DOCK3: variants seen among roughly 807,000 people sequenced by gnomAD.
The protein encoded by DOCK3 is dedicator of cytokinesis 3.
DOCK3 carries 60 observed loss-of-function variants against 265.6 expected under a neutral mutation model. The observed-to-expected ratio is 0.23, with a 90% CI of 0.18 to 0.28. The LOEUF (loss-of-function observed/expected upper bound fraction) is 0.28. DOCK3 is among the 10% of genes least tolerant of loss of function. The probability of loss-of-function intolerance (pLI) is 1.00; values close to 1 mark genes in which losing one functional copy is unlikely to be tolerated. For synonymous variants in DOCK3, 881 were observed against 938.0 expected (o/e 0.94, Z 1.11); for missense variants, 1,981 against 2,594.3 (o/e 0.76, Z 5.14).
At chr3:50,858,638 C>G (rs1258790847) in intron 3 of DOCK3, among the ~76,000 whole-genome samples, 1 of 151,912 alleles carries the variant, frequency 6.6e-6, no homozygotes, top group African/African-American at 2.4e-5. Flanking sequence ...TGGGGATGAT[C>G]TTCTTATGTA....
At chr3:51,232,663 T>C (rs768284754) in intron 19 of DOCK3, among the ~76,000 whole-genome samples, 6 of 152,232 alleles carry the variant, frequency 3.9e-5, no homozygotes, top group Non-Finnish European at 8.8e-5. Flanking sequence ...TGTTGGCTGT[T>C]TGTATATCTT....
intron 41 of DOCK3, among the ~76,000 whole-genome samples, chr3:51,355,582 C>G (rs1363164202): frequency 6.6e-6 from 1 of 152,198 alleles, no homozygotes; most frequent in Admixed American, 6.5e-5. Flanking sequence ...ACACAGCTTC[C>G]TTGGGGACCA....
intron 5 of DOCK3, among the ~76,000 whole-genome samples, chr3:50,982,716 C>T (rs556090913): frequency 3.3e-5 from 5 of 152,308 alleles, no homozygotes; most frequent in East Asian, 1.9e-4. Flanking sequence ...CCACTGCCCT[C>T]GGGGTCACTG....
intron 2 of DOCK3, among the ~76,000 whole-genome samples, chr3:50,795,123 T>G (rs2042698523): frequency 6.6e-6 from 1 of 152,190 alleles, no homozygotes; most frequent in East Asian, 1.9e-4. Flanking sequence ...GGGTTTGCCT[T>G]TGTAGGTTAC....
At chr3:50,886,584 G>T (rs1417585493) in intron 3 of DOCK3, among the ~76,000 whole-genome samples, 1 of 113,944 alleles carries the variant, frequency 8.8e-6, no homozygotes, top group African/African-American at 3.5e-5. Flanking sequence ...ACAGTCCCCA[G>T]AGTGTGATGT....
At chr3:51,182,126 G>C (rs1490602718) in intron 12 of DOCK3, among the ~76,000 whole-genome samples, 1 of 152,140 alleles carries the variant, frequency 6.6e-6, no homozygotes, top group Non-Finnish European at 1.5e-5. Flanking sequence ...TGCCTTCCCA[G>C]TAGAGCTAGC....
At chr3:50,740,578 G>A (rs935341589) in intron 1 of DOCK3, among the ~76,000 whole-genome samples, 1 of 152,036 alleles carries the variant, frequency 6.6e-6, no homozygotes, top group African/African-American at 2.4e-5. Flanking sequence ...GTGTGTAGTG[G>A]TATCTCACTG....
At chr3:51,309,366 G>C (rs1485148780) in intron 27 of DOCK3, among the ~76,000 whole-genome samples, 2 of 152,248 alleles carry the variant, frequency 1.3e-5, no homozygotes, top group African/African-American at 4.8e-5. Context: ...CGGATCACTT[G>C]CGGTTAGGAG....
At chr3:51,197,337 G>A (rs1305537425) in intron 12 of DOCK3, among the ~76,000 whole-genome samples, 4 of 152,156 alleles carry the variant, frequency 2.6e-5, no homozygotes, top group Admixed American at 1.3e-4. Context: ...TGGCAGTGGT[G>A]GATTGCACAA....
intron 2 of DOCK3, among the ~76,000 whole-genome samples, chr3:50,827,030 C>T (rs1225213250): frequency 6.6e-6 from 1 of 152,036 alleles, no homozygotes; most frequent in African/African-American, 2.4e-5. Flanking sequence ...GAAACTAACA[C>T]TAATAAATGA....
chr3:51,090,403 T>A lies in DOCK3; in HGVS notation c.746+19T>A. ...AGATCAGGTGAGAGTCACTGGAAAT[T>A]CTGGTGAGGTTCTATGTTAGGATGG... On this transcript the variant is annotated intron_variant, in intron 9 of 52. Coordinates refer to ENST00000266037, the MANE Select transcript of DOCK3 (RefSeq NM_004947.5). The A allele has an allele frequency of 6.3e-7, 1 of 1,594,398 alleles. No individual in the cohort carries two copies. Among genetic ancestry groups the A allele is most frequent in the South Asian group, 1.1e-5 (1 of 87,542 alleles).
At chr3:51,143,694 G>A (rs900116329) in intron 9 of DOCK3, among the ~76,000 whole-genome samples, 1 of 152,038 alleles carries the variant, frequency 6.6e-6, no homozygotes, top group East Asian at 1.9e-4. Flanking sequence ...TTATTTGAAT[G>A]TTTATTCTTA....
chr3:51,175,015 A>G (rs1257790038), intron 12 of DOCK3, among the ~76,000 whole-genome samples: 2 of 152,174 alleles, frequency 1.3e-5, no homozygotes, highest in Non-Finnish European at 2.9e-5. Context: ...TTACAGATGT[A>G]CAGACTGTTG....
intron 1 of DOCK3, among the ~76,000 whole-genome samples, chr3:50,682,323 C>T (rs2034469162): frequency 6.6e-6 from 1 of 152,198 alleles, no homozygotes; most frequent in Non-Finnish European, 1.5e-5. Flanking sequence ...ACTAGTGCCG[C>T]CATGTCCCAG....
intron 28 of DOCK3, among the ~76,000 whole-genome samples, chr3:51,310,792 C>T (rs2083027503): frequency 6.6e-6 from 1 of 152,204 alleles, no homozygotes. Context: ...ATTTATATTT[C>T]TAGCTTGTGC....
intron 5 of DOCK3, among the ~76,000 whole-genome samples, chr3:51,063,768 T>C (rs2081500096): frequency 6.6e-6 from 1 of 152,214 alleles, no homozygotes; most frequent in Admixed American, 6.5e-5. Context: ...TTTCTACTTT[T>C]AAGGTTAAAA....
At chr3:51,213,071 C>G (rs2089602258) in intron 13 of DOCK3, among the ~76,000 whole-genome samples, 1 of 152,034 alleles carries the variant, frequency 6.6e-6, no homozygotes. Context: ...TCTCCATTCC[C>G]TCCTCCCTCC....
At position 50,718,284 on chromosome 3, in the gene DOCK3, A is replaced by G. The variant is rs147129988; in HGVS notation, c.37+42984A>G. Among the ~76,000 whole-genome samples, 37 of 152,310 alleles carry G rather than the reference A, an allele frequency of 2.4e-4. No individual in the cohort carries two copies. In the East Asian group the frequency reaches 6.2e-3, roughly 25 times the overall value. On this transcript the variant is annotated intron_variant, in intron 1 of 52. Coordinates refer to ENST00000266037, the MANE Select transcript of DOCK3 (RefSeq NM_004947.5). ...TATCCTGTTTCCTCAATAAGAGATCATGAGCAAGATATTCCCTGAGTTTTT... is the reference window on the plus strand; with the variant it reads ...TATCCTGTTTCCTCAATAAGAGATCGTGAGCAAGATATTCCCTGAGTTTTT...
intron 2 of DOCK3, among the ~76,000 whole-genome samples, chr3:50,840,845 G>A (rs1209622311): frequency 6.6e-5 from 10 of 152,052 alleles, no homozygotes; most frequent in Admixed American, 6.6e-4. Flanking sequence ...CATCTCTTTT[G>A]TTGTTTGTTA....
Sources: gnomAD v4.1 joint callset for allele counts (sites outside exome capture counted in the v4.1 genomes callset) on GRCh38, gnomAD v4.1.1 for gene constraint, MANE v1.5 for transcripts, NCBI Gene and HGNC (gene_info 2026-07-23, HGNC 2026-07-21) for gene names.